The following ABLIM1 variants were observed in gnomAD, a reference collection of about 807,000 sequenced individuals.
ABLIM1 encodes the protein actin-binding LIM protein 1.
A neutral mutation model predicts 107.0 loss-of-function variants in ABLIM1; 40 were observed. That is an observed-to-expected ratio of 0.37 (90% CI 0.29 to 0.49). The LOEUF (loss-of-function observed/expected upper bound fraction) is 0.49, where lower values mean the gene tolerates loss of function less well. Among genes scored for constraint, ABLIM1 ranks in the 20% least tolerant of loss-of-function variants. The probability of loss-of-function intolerance (pLI) is 0.97; values close to 1 mark genes in which losing one functional copy is unlikely to be tolerated. For synonymous variants in ABLIM1, 357 were observed against 357.3 expected (o/e 1.00, Z 0.01); for missense variants, 857 against 1,008.5 (o/e 0.85, Z 2.04).
intron 1 of ABLIM1, among the ~76,000 whole-genome samples, chr10:114,608,684 T>TAAAC (rs201895565): frequency 1.3e-5 from 2 of 149,926 alleles, no homozygotes; most frequent in Non-Finnish European, 3.0e-5. Context: ...AATAAATAAA[T>TAAAC]AAACAAACAA....
intron 1 of ABLIM1, among the ~76,000 whole-genome samples, chr10:114,603,889 G>A (rs1024281712): frequency 4.0e-5 from 6 of 149,358 alleles, no homozygotes; most frequent in African/African-American, 1.2e-4. Flanking sequence ...GGAGGCAGAG[G>A]TTGCAGTGAG....
In ABLIM1 at chr10:114,756,958, G is replaced by A. The variant is rs74158051; in HGVS notation, c.-213+11103C>T. On this transcript the variant is annotated intron_variant, in intron 1 of 15. Transcript: ENST00000651092. ...ACTCTGGAACTCTATAAGGAAAGGA[G>A]CTAGGATCCCCTGAGCCTGGCTCAT... 4.2e-3 allele frequency among the ~76,000 whole-genome samples: 636 copies of A among 152,272 alleles called. 3 individuals are homozygous for A. The highest frequency in any genetic ancestry group is 0.015 in the African/African-American group (605 of 41,556).
intron 1 of ABLIM1, among the ~76,000 whole-genome samples, chr10:114,623,435 G>A (rs920387804): frequency 1.3e-5 from 2 of 152,188 alleles, no homozygotes; most frequent in African/African-American, 4.8e-5. Flanking sequence ...TCCTGCTGGA[G>A]AGCCAGAGTG....
intron 1 of ABLIM1, among the ~76,000 whole-genome samples, chr10:114,665,800 T>C (rs563097479): frequency 2.6e-4 from 40 of 152,304 alleles, no homozygotes; most frequent in Non-Finnish European, 5.1e-4. Flanking sequence ...CATCTCAGAC[T>C]GAGAAACTGA....
chr10:114,512,713 T>C (rs2062056394), intron 6 of ABLIM1, among the ~76,000 whole-genome samples: 1 of 151,966 alleles, frequency 6.6e-6, no homozygotes, highest in Non-Finnish European at 1.5e-5. Flanking sequence ...GAATCCCAGC[T>C]ACTCAGGAGG....
chr10:114,669,130 T>C (rs2141361264), intron 1 of ABLIM1, among the ~76,000 whole-genome samples: 1 of 152,370 alleles, frequency 6.6e-6, no homozygotes, highest in Middle Eastern at 3.4e-3. Flanking sequence ...TTACTCAAAT[T>C]GATCCTGTGC....
chr10:114,593,780 GTCAAAA>G (rs1405455051), intron 2 of ABLIM1, among the ~76,000 whole-genome samples: 1 of 128,498 alleles, frequency 7.8e-6, no homozygotes, highest in Non-Finnish European at 1.7e-5. Flanking sequence ...GCCAACAAGA[GTCAAAA>G]TCAGTAAGCA....
the ABLIM1 span, among the ~76,000 whole-genome samples, chr10:114,785,751 C>T: frequency 1.3e-5 from 2 of 152,064 alleles, no homozygotes; most frequent in South Asian, 4.1e-4. Flanking sequence ...TGTTTTGAGA[C>T]CGATTCTCGC....
At chr10:114,750,619 C>T (rs984928712) in intron 1 of ABLIM1, among the ~76,000 whole-genome samples, 1 of 152,186 alleles carries the variant, frequency 6.6e-6, no homozygotes, top group East Asian at 1.9e-4. Flanking sequence ...CCCTATAAAA[C>T]ATCTTTCTCC....
chr10:114,490,001 C>T (rs939566509), intron 7 of ABLIM1, among the ~76,000 whole-genome samples: 2 of 152,190 alleles, frequency 1.3e-5, no homozygotes, highest in African/African-American at 4.8e-5. Context: ...GAGCTGCACC[C>T]GGAGCCTCTG....
chr10:114,714,550 C>T (rs559351443), intron 1 of ABLIM1, among the ~76,000 whole-genome samples: 86 of 150,534 alleles, frequency 5.7e-4, no homozygotes, highest in African/African-American at 2.1e-3. Flanking sequence ...ATTCCCACAT[C>T]AGAGCTGGAT....
At chr10:114,597,721 A>T (rs956482537) in intron 2 of ABLIM1, among the ~76,000 whole-genome samples, 48 of 152,346 alleles carry the variant, frequency 3.2e-4, no homozygotes, top group African/African-American at 1.2e-3. Flanking sequence ...ACCTCCCACC[A>T]TTAGCCTAGA....
At chr10:114,530,633 A>C (rs1341778538) in intron 6 of ABLIM1, among the ~76,000 whole-genome samples, 4 of 152,152 alleles carry the variant, frequency 2.6e-5, no homozygotes, top group Non-Finnish European at 2.9e-5. Flanking sequence ...TCCTGGGTTC[A>C]AGCAATTCTC....
intron 1 of ABLIM1, among the ~76,000 whole-genome samples, chr10:114,755,492 A>C (rs2082610014): frequency 6.6e-6 from 1 of 152,202 alleles, no homozygotes; most frequent in Non-Finnish European, 1.5e-5. Context: ...TACCTTACTC[A>C]TTCCTGTGCT....
intron 4 of ABLIM1, among the ~76,000 whole-genome samples, chr10:114,548,603 A>T (rs75618074): frequency 0.026 from 4,035 of 152,336 alleles, 185 homozygotes; most frequent in African/African-American, 0.091. Context: ...GACTAGAAAC[A>T]TTTGCTGTTA....
chr10:114,437,064 GT>G (rs2059514915), intron 22 of ABLIM1, among the ~76,000 whole-genome samples: 1 of 152,150 alleles, frequency 6.6e-6, no homozygotes, highest in Non-Finnish European at 1.5e-5. Flanking sequence ...AACAAGGAAT[GT>G]GGAAACAGCC....
chr10:114,546,052 A>G (rs1300907409), intron 5 of ABLIM1, among the ~76,000 whole-genome samples: 2 of 150,786 alleles, frequency 1.3e-5, no homozygotes, highest in East Asian at 3.9e-4. Flanking sequence ...TGCAGACACC[A>G]CCTCCTCAGC....
At chr10:114,631,745 T>C (rs971000709) in intron 1 of ABLIM1, among the ~76,000 whole-genome samples, 2 of 151,990 alleles carry the variant, frequency 1.3e-5, no homozygotes, top group Non-Finnish European at 2.9e-5. Context: ...GAACGAAGTC[T>C]GGGTTCGATG....
At chr10:114,690,991 A>AT (rs1226145301) in intron 1 of ABLIM1, among the ~76,000 whole-genome samples, 1 of 152,154 alleles carries the variant, frequency 6.6e-6, no homozygotes, top group Non-Finnish European at 1.5e-5. Flanking sequence ...CCTGGCTAAT[A>AT]TTTTTCAAAT....
Sources: gnomAD v4.1 joint callset for allele counts (sites outside exome capture counted in the v4.1 genomes callset) on GRCh38, gnomAD v4.1.1 for gene constraint, MANE v1.5 for transcripts, NCBI Gene and HGNC (gene_info 2026-07-23, HGNC 2026-07-21) for gene names.